The following PWWP3B variants were observed in gnomAD, a reference collection of about 807,000 sequenced individuals.
PWWP3B encodes the protein PWWP domain containing 3B.
In PWWP3B, 5 loss-of-function variants were observed where a neutral mutation model predicts 15.7. The observed-to-expected ratio is 0.32, with a 90% CI of 0.17 to 0.67. The LOEUF (loss-of-function observed/expected upper bound fraction) is 0.67. Ranked by LOEUF, PWWP3B falls within the 30% of genes least tolerant of loss-of-function variation. The probability of loss-of-function intolerance (pLI) is 0.74; values close to 1 mark genes in which losing one functional copy is unlikely to be tolerated. For missense variants in PWWP3B, 519 were observed against 493.1 expected, an observed-to-expected ratio of 1.05 and a Z score of -0.50; for synonymous variants, 203 against 179.8, an observed-to-expected ratio of 1.13 and a Z score of -1.03.
At chrX:106,186,872 T>C (rs1207116865) in intron 2 of PWWP3B, among the ~76,000 whole-genome samples, 2 of 111,927 alleles carry the variant, frequency 1.8e-5, no homozygotes. Flanking sequence ...TGCCGATTGG[T>C]GCATTTACAA....
In PWWP3B at chrX:106,205,859, G is replaced by C; in HGVS notation, c.427G>C (p.Gly143Arg). The change falls in exon 4 of 4, where the codon GGG becomes CGG. Residue 143 changes from glycine (G) to arginine (R), a missense_variant. Physicochemically the swap from Gly to Arg is moderately radical, Grantham distance 125 (BLOSUM62 -2). Transcript: ENST00000357175. ...KYRKDEGDLP[G>R]CLEERENSAC... is the part of the protein sequence containing the mutation. ...CCGGAAGGATGAAGGTGACTTACCA[G>C]GGTGTCTTGAGGAAAGGGAAAACTC... The C allele has an allele frequency of 1.7e-6, 2 of 1,211,522 alleles. No homozygotes were observed. The highest frequency in any genetic ancestry group is 2.2e-6 in the Non-Finnish European group (2 of 895,405).
chrX:106,187,502 T>C (rs1289151743), intron 2 of PWWP3B, among the ~76,000 whole-genome samples: 1 of 111,967 alleles, frequency 8.9e-6, no homozygotes, highest in African/African-American at 3.2e-5. Context: ...TTTTTCTTTT[T>C]ATTCATATAC....
intron 2 of PWWP3B, among the ~76,000 whole-genome samples, chrX:106,174,995 C>CG (rs1311131778): frequency 9.9e-6 from 1 of 101,395 alleles, no homozygotes; most frequent in Non-Finnish European, 2.0e-5. Context: ...GAGCTGAGAT[C>CG]GTGCCACTGC....
chrX:106,180,444 A>G (rs1922131687), intron 2 of PWWP3B, among the ~76,000 whole-genome samples: 1 of 111,317 alleles, frequency 9.0e-6, no homozygotes, highest in African/African-American at 3.3e-5. Flanking sequence ...TCCATTGTCC[A>G]TCTTCCTACT....
intron 2 of PWWP3B, among the ~76,000 whole-genome samples, chrX:106,179,486 T>C (rs936383101): frequency 1.8e-5 from 2 of 112,311 alleles, no homozygotes; most frequent in Admixed American, 9.5e-5. Flanking sequence ...GACATGCCTG[T>C]TAAAGTTTAG....
intron 2 of PWWP3B, among the ~76,000 whole-genome samples, chrX:106,173,427 C>T (rs2392909): frequency 0.013 from 1,451 of 111,391 alleles, 21 homozygotes; most frequent in African/African-American, 0.046. Flanking sequence ...CTAACCCCAC[C>T]TATCTGATAC....
At chrX:106,198,763 G>A (rs1923523441) in intron 2 of PWWP3B, among the ~76,000 whole-genome samples, 1 of 111,201 alleles carries the variant, frequency 9.0e-6, no homozygotes, top group African/African-American at 3.3e-5. Context: ...TGGTGCCATA[G>A]TATAGCATTT....
chrX:106,184,122 C>T (rs1922369472), intron 2 of PWWP3B, among the ~76,000 whole-genome samples: 1 of 111,563 alleles, frequency 9.0e-6, no homozygotes, highest in South Asian at 3.8e-4. Flanking sequence ...TCTCTGATCT[C>T]GCTTTTCCTT....
intron 2 of PWWP3B, among the ~76,000 whole-genome samples, chrX:106,193,168 G>C (rs1923116372): frequency 9.0e-6 from 1 of 111,245 alleles, no homozygotes; most frequent in African/African-American, 3.3e-5. Context: ...TATTGTGTGG[G>C]AGTCTAAGTC....
chrX:106,172,043 C>T (rs932225078), intron 2 of PWWP3B, among the ~76,000 whole-genome samples: 1 of 110,358 alleles, frequency 9.1e-6, no homozygotes, highest in African/African-American at 3.3e-5. Context: ...ATTTGTATAT[C>T]CAAACATATC....
chrX:106,207,311 T>C lies in PWWP3B; in HGVS notation c.1879T>C (p.Trp627Arg). The C allele has an allele frequency of 8.3e-7, 1 of 1,206,410 alleles. No homozygotes were observed. Among genetic ancestry groups the C allele is most frequent in the Non-Finnish European group, 1.1e-6 (1 of 892,470 alleles). Residue 627 changes from tryptophan (W) to arginine (R), a missense_variant, in exon 4 of 4, where the codon TGG (tryptophan) becomes CGG (arginine). Trp to Arg is a moderately radical substitution (Grantham distance 101, BLOSUM62 -3). Coordinates refer to ENST00000357175, the MANE Select transcript of PWWP3B (RefSeq NM_001171020.2). Reference sequence around the variant, plus strand: ...TCAAATAGATCAAATAATGCCAACTTGGATAAAAGATGATAAAATTAAATT... The same window carrying C: ...TCAAATAGATCAAATAATGCCAACTCGGATAAAAGATGATAAAATTAAATT... ...CNQIDQIMPT[W>R]IKDDKIKFIL...
intron 2 of PWWP3B, among the ~76,000 whole-genome samples, chrX:106,197,126 A>C (rs892299627): frequency 1.8e-5 from 2 of 111,711 alleles, no homozygotes; most frequent in Non-Finnish European, 3.8e-5. Flanking sequence ...AGGCTTTCTC[A>C]TCATTCTTTC....
intron 2 of PWWP3B, among the ~76,000 whole-genome samples, chrX:106,198,624 A>G (rs1050171292): frequency 1.3e-4 from 14 of 111,906 alleles, no homozygotes; most frequent in Non-Finnish European, 2.6e-4. Context: ...TATCATAAAA[A>G]TATTAATATT....
At chrX:106,205,166 C>T (rs764691425) in intron 3 of PWWP3B, 53 bp from the exon 4 acceptor site, 19 of 259,001 alleles carry the variant, frequency 7.3e-5, no homozygotes, top group South Asian at 2.1e-4. Flanking sequence ...CCCGTTTTGG[C>T]GAAATAATCG....
intron 2 of PWWP3B, among the ~76,000 whole-genome samples, chrX:106,194,281 T>A (rs1038084435): frequency 3.6e-5 from 4 of 111,776 alleles, no homozygotes; most frequent in African/African-American, 1.3e-4. Context: ...CTCGCTTCAT[T>A]TCATTCATTT....
intron 1 of PWWP3B, among the ~76,000 whole-genome samples, chrX:106,169,964 T>G (rs1921527499): frequency 9.0e-6 from 1 of 110,917 alleles, no homozygotes; most frequent in Non-Finnish European, 1.9e-5. Flanking sequence ...TACATGCCAC[T>G]TTATTAATTG....
intron 2 of PWWP3B, among the ~76,000 whole-genome samples, chrX:106,200,940 C>G (rs758914011): frequency 1.8e-5 from 2 of 108,782 alleles, no homozygotes; most frequent in Admixed American, 9.8e-5. Context: ...CCCAGCTACT[C>G]GGAAGGCTGA....
In PWWP3B at chrX:106,208,592, T is replaced by C. The variant is rs1485281004; in HGVS notation, c.*1069T>C. The C allele has an allele frequency of 3.2e-5, 4 of 124,033 alleles. No homozygotes were observed. Among genetic ancestry groups the C allele is most frequent in the Non-Finnish European group, 5.6e-5 (3 of 53,444 alleles). The allele number at this position is 124,033 out of a possible 1,213,427, so 10.2% of individuals were successfully genotyped here. ...AACTGGCAAGTCATTCCAAACTGCT[T>C]GAAGGAGTAGATGAACCAGAATCTG... On this transcript the variant is annotated 3_prime_UTR_variant, in exon 4 of 4. Transcript: ENST00000357175.
chrX:106,181,365 G>A (rs747626237), intron 2 of PWWP3B, among the ~76,000 whole-genome samples: 5 of 111,480 alleles, frequency 4.5e-5, no homozygotes, highest in Non-Finnish European at 7.5e-5. Context: ...TTTACACAGC[G>A]CTGATTGGTC....
Sources: gnomAD v4.1 joint callset for allele counts (sites outside exome capture counted in the v4.1 genomes callset) on GRCh38, gnomAD v4.1.1 for gene constraint, MANE v1.5 for transcripts, NCBI Gene and HGNC (gene_info 2026-07-23, HGNC 2026-07-21) for gene names.